Variants in NUP62CL observed in about 807,000 individuals in gnomAD.
NUP62CL encodes the protein nucleoporin 62 C-terminal like.
NUP62CL carries 13 observed loss-of-function variants against 15.3 expected under a neutral mutation model. The ratio of observed to expected loss-of-function variants is 0.85; its 90% CI spans 0.55 to 1.35. The LOEUF is 1.35. Ranked by LOEUF, NUP62CL falls within the 40% of genes most tolerant of loss-of-function variation. NUP62CL has a pLI of 0.00. For synonymous variants in NUP62CL, 54 were observed against 49.2 expected, an observed-to-expected ratio of 1.10 and a Z score of -0.41; for missense variants, 123 against 130.6, an observed-to-expected ratio of 0.94 and a Z score of 0.28.
chrX:107,174,021 T>TC (rs1926709826), intron 3 of NUP62CL, among the ~76,000 whole-genome samples: 1 of 107,125 alleles, frequency 9.3e-6, no homozygotes, highest in Non-Finnish European at 1.9e-5. Flanking sequence ...TATTTTCTTT[T>TC]CTTTTTTTTC....
intron 3 of NUP62CL, 48 bp from the exon 4 acceptor site, chrX:107,167,832 C>A: frequency 9.0e-7 from 1 of 1,110,368 alleles, no homozygotes; most frequent in South Asian, 2.3e-5. Flanking sequence ...AAATTTGTTT[C>A]ATTTAAGCCT....
chrX:107,156,004 A>G (rs1215043434), intron 4 of NUP62CL, among the ~76,000 whole-genome samples: 3 of 111,769 alleles, frequency 2.7e-5, no homozygotes, highest in Non-Finnish European at 5.6e-5. Context: ...TTTCCGAGTC[A>G]AAGAAAGGGG....
chrX:107,189,298 C>T (rs1927148876), intron 2 of NUP62CL, among the ~76,000 whole-genome samples: 1 of 111,122 alleles, frequency 9.0e-6, no homozygotes, highest in African/African-American at 3.3e-5. Context: ...AGAAATTGCA[C>T]TACTGGGTAT....
At chrX:107,183,295 A>C (rs1489025961) in intron 2 of NUP62CL, among the ~76,000 whole-genome samples, 1 of 110,331 alleles carries the variant, frequency 9.1e-6, no homozygotes, top group Non-Finnish European at 1.9e-5. Flanking sequence ...AGGACGTTAC[A>C]TATAAAATAG....
chrX:107,192,876 G>C (rs1927277059), intron 2 of NUP62CL, among the ~76,000 whole-genome samples, 153 bp downstream of exon 2: 1 of 111,914 alleles, frequency 8.9e-6, no homozygotes. Context: ...AGCTGGAGCT[G>C]GATGTGAATA....
At chrX:107,182,515 A>G (rs142703321) in intron 2 of NUP62CL, among the ~76,000 whole-genome samples, 3,210 of 111,962 alleles carry the variant, frequency 0.029, 129 homozygotes, top group African/African-American at 0.098. Context: ...AAATAGTAGG[A>G]CATAGAAAAT....
intron 4 of NUP62CL, among the ~76,000 whole-genome samples, chrX:107,156,084 C>T (rs1316764484): frequency 9.0e-6 from 1 of 110,536 alleles, no homozygotes; most frequent in Non-Finnish European, 1.9e-5. Flanking sequence ...GCTTAAAAAA[C>T]GGCGCACGAC....
At chrX:107,200,880 G>C (rs774082020) in intron 1 of NUP62CL, among the ~76,000 whole-genome samples, 1 of 110,315 alleles carries the variant, frequency 9.1e-6, no homozygotes, top group East Asian at 2.8e-4. Flanking sequence ...ATATTTATAA[G>C]AATCTTTCCC....
At chrX:107,197,652 C>G (rs1378939179) in intron 1 of NUP62CL, among the ~76,000 whole-genome samples, 1 of 108,879 alleles carries the variant, frequency 9.2e-6, no homozygotes, top group Non-Finnish European at 1.9e-5. Flanking sequence ...AGAAAGCACA[C>G]TAGGCCCCCA....
intron 8 of NUP62CL, among the ~76,000 whole-genome samples, chrX:107,127,263 A>G (rs1187996177): frequency 9.0e-6 from 1 of 111,566 alleles, no homozygotes; most frequent in African/African-American, 3.3e-5. Flanking sequence ...ATCTATAAAG[A>G]CAGAAAGTAG....
rs1390606280 is a variant in NUP62CL at position 107,189,872 on chromosome X, GAAAGA to G, written c.-48+3152_-48+3156del. Among the ~76,000 whole-genome samples the G allele has an allele frequency of 2.5e-4, 14 of 56,063 alleles. 1 individual carries two copies. The highest frequency in any genetic ancestry group is 9.7e-4 in the African/African-American group (14 of 14,499). 48.7% of individuals were successfully genotyped at this position (56,063 alleles called of 115,157 possible). A position where few individuals can be genotyped will look rare whatever the true frequency, so the allele number is the denominator to read the frequency against. ...AAGGAAGGAAGGAAGGAAGGAAAAAGAAAGAAAAGAAAGAAAGAAAGAAAGAAAGA... is the reference window on the plus strand; with the variant it reads ...AAGGAAGGAAGGAAGGAAGGAAAAAGAAAGAAAGAAAGAAAGAAAGAAAGA... On this transcript the variant is annotated intron_variant, in intron 2 of 8. Transcript: ENST00000372466.
At chrX:107,150,607 C>G (rs1339521313) in intron 7 of NUP62CL, among the ~76,000 whole-genome samples, 1 of 112,507 alleles carries the variant, frequency 8.9e-6, no homozygotes, top group African/African-American at 3.2e-5. Flanking sequence ...AAGTGATCCT[C>G]TCACCTCAGC....
At chrX:107,152,847 T>C (rs749089107) in intron 7 of NUP62CL, among the ~76,000 whole-genome samples, 125 of 111,969 alleles carry the variant, frequency 1.1e-3, no homozygotes, top group Non-Finnish European at 2.3e-3. Flanking sequence ...CATGACACCA[T>C]ACACATAAAA....
intron 7 of NUP62CL, among the ~76,000 whole-genome samples, chrX:107,150,588 C>G (rs1043226324): frequency 3.6e-5 from 4 of 112,447 alleles, no homozygotes; most frequent in Non-Finnish European, 7.5e-5. Flanking sequence ...GCTTTCAACT[C>G]CTGGGCTCAA....
chrX:107,189,938 AAAGAAAG>A (rs746450696), intron 2 of NUP62CL, among the ~76,000 whole-genome samples: 1,309 of 106,577 alleles, frequency 0.012, 42 homozygotes, highest in Middle Eastern at 0.045. Context: ...AGAAAGAAAG[AAAGAAAG>A]AGAATCGATA....
chrX:107,149,844 G>A (rs933624456), intron 7 of NUP62CL, among the ~76,000 whole-genome samples: 8 of 110,977 alleles, frequency 7.2e-5, no homozygotes, highest in African/African-American at 2.0e-4. Flanking sequence ...GAGTGGGAGC[G>A]GGAAAAGGAG....
At chrX:107,203,762 G>C (rs949335418) in intron 1 of NUP62CL, among the ~76,000 whole-genome samples, 2 of 111,371 alleles carry the variant, frequency 1.8e-5, no homozygotes, top group African/African-American at 6.5e-5. Context: ...GTAAAAACAT[G>C]GGTACATGTG....
Position 107,137,513 on chromosome X carries a change from G to A in NUP62CL, c.*42+10230C>T, listed in dbSNP as rs770173503. ...TCCGAGGAATCCACACAAAAAAACC[G>A]CCTAGAACTAACAAGTGAGTTCAGC... is the stretch of plus-strand genomic sequence containing the variant. On this transcript the variant is annotated intron_variant, in intron 8 of 8. Coordinates refer to ENST00000372466, the MANE Select transcript of NUP62CL (RefSeq NM_017681.3). 3.6e-5 allele frequency among the ~76,000 whole-genome samples: 4 copies of A among 111,519 alleles called. No individual in the cohort carries two copies. In the South Asian group the frequency reaches 1.1e-3, roughly 32 times the overall value.
chrX:107,131,724 T>C, intron 8 of NUP62CL: 1 of 811,249 alleles, frequency 1.2e-6, no homozygotes, highest in Non-Finnish European at 1.9e-6. Flanking sequence ...TCAGGAATTA[T>C]TGATTCAGAC....
Sources: gnomAD v4.1 joint callset for allele counts (sites outside exome capture counted in the v4.1 genomes callset) on GRCh38, gnomAD v4.1.1 for gene constraint, MANE v1.5 for transcripts, NCBI Gene and HGNC (gene_info 2026-07-23, HGNC 2026-07-21) for gene names.